Variants in ZNF592 observed in about 807,000 individuals in gnomAD.
The protein encoded by ZNF592 is zinc finger protein 592, also known as spinocerebellar ataxia, autosomal recessive 5.
A neutral mutation model predicts 80.3 loss-of-function variants in ZNF592; 11 were observed. The ratio of observed to expected loss-of-function variants is 0.14; its 90% confidence interval spans 0.09 to 0.23. The LOEUF (loss-of-function observed/expected upper bound fraction) is 0.23. ZNF592 is among the 10% of genes least tolerant of loss of function. The probability of loss-of-function intolerance (pLI) is 1.00; values close to 1 mark genes in which losing one functional copy is unlikely to be tolerated. For missense variants in ZNF592, 1,420 were observed against 1,633.9 expected (o/e 0.87, Z 2.26); for synonymous variants, 646 against 640.3 (o/e 1.01, Z -0.13).
chr15:84,757,385 G>A (rs1161756006), intron 1 of ZNF592, among the ~76,000 whole-genome samples: 1 of 149,082 alleles, frequency 6.7e-6, no homozygotes, highest in African/African-American at 2.5e-5. Flanking sequence ...TGTTACCCAG[G>A]CTGGAGTTGG....
chr15:84,764,168 G>A (rs1008120628), intron 1 of ZNF592, among the ~76,000 whole-genome samples: 15 of 152,168 alleles, frequency 9.9e-5, no homozygotes, highest in African/African-American at 3.4e-4. Context: ...AGGAGGAGTT[G>A]TGTGGAGGGG....
rs1962514233 is a variant in ZNF592, at chr15:84,784,173, C to T, written c.1498C>T (p.Pro500Ser). 3 of 1,614,078 alleles carry T rather than the reference C, an allele frequency of 1.9e-6. No individual in the cohort carries two copies. Among genetic ancestry groups the T allele is most frequent in the Non-Finnish European group, 2.5e-6 (3 of 1,180,054 alleles). The part of the protein sequence containing the change: ...ASTLAPANLL[P>S]KAVHLANLNL... ...CACCCTGGCCCCTGCCAACCTCCTG[C>T]CCAAAGCCGTGCACTTGGCCAACCT... is the stretch of plus-strand genomic sequence containing the variant. Residue 500 changes from proline to serine, a missense_variant, in exon 4 of 11, where the codon CCC (proline) becomes TCC (serine). By Grantham distance (74) the Pro-to-Ser change is moderately conservative. Around this residue, in one of 7 missense-constraint regions of ZNF592, gnomAD observed 524 missense variants for 628.3 expected, o/e 0.83. Transcript: ENST00000560079. The surrounding 1 kb of genome is among the most constrained non-coding windows in gnomAD (Gnocchi z 5.8).
chr15:84,797,799 T>TG, intron 5 of ZNF592, 70 bp from the exon 6 acceptor site: 1 of 1,572,208 alleles, frequency 6.4e-7, no homozygotes, highest in Admixed American at 1.7e-5. Flanking sequence ...TCCCTCCTCT[T>TG]GCAGCACCAC....
chr15:84,799,674 A>G lies in ZNF592; in HGVS notation c.3138-168A>G, dbSNP rs1025365242. 2.0e-5 allele frequency among the ~76,000 whole-genome samples: 3 copies of G among 151,960 alleles called. No individual in the cohort carries two copies. The highest frequency in any genetic ancestry group is 4.4e-5 in the Non-Finnish European group (3 of 67,994). The stretch of plus-strand genomic sequence containing the variant: ...AAGAGTGCAAGTATTCTGACGTGCT[A>G]TTGTCTGCTACCTTGGCTGGCCTGC... On this transcript the variant is annotated intron_variant, in intron 9 of 10. Transcript: ENST00000560079. This position sits in a 1 kb window ranked among gnomAD's most constrained non-coding sequence, Gnocchi z 4.2.
At chr15:84,748,921 C>T (rs1898930071) in intron 1 of ZNF592, among the ~76,000 whole-genome samples, 1 of 150,988 alleles carries the variant, frequency 6.6e-6, no homozygotes, top group African/African-American at 2.4e-5. Flanking sequence ...CCGCTGCGAC[C>T]GCCGCTCCTT....
rs1484882172 is a variant in ZNF592, at chr15:84,789,220, T to C, written c.2221-1485T>C. Among the ~76,000 whole-genome samples the C allele has an allele frequency of 4.7e-5, 7 of 149,052 alleles. No homozygotes were observed. In the Admixed American group the frequency reaches 4.7e-4, roughly 10 times the overall value. On this transcript the variant is annotated intron_variant, in intron 4 of 10. Transcript: ENST00000560079. ...CCAAGATCATGCCACTGCGCTCTAG[T>C]CTGGGCATCAGAGACCCTGTCTCAA...
intron 5 of ZNF592, among the ~76,000 whole-genome samples, chr15:84,795,695 G>T (rs1003665891): frequency 6.6e-6 from 1 of 152,132 alleles, no homozygotes; most frequent in African/African-American, 2.4e-5. Context: ...GCTAGAAGTT[G>T]GTTTCACTCT....
rs1963025407 is a variant in ZNF592, at chr15:84,799,262, C to T, written c.3137+52C>T. Reference sequence around the variant, plus strand: ...AGGCCTGAGGTTCAAAAGACTCTGTCCGTGGCACCACTGGGGCTTTTCTGT... The same window carrying T: ...AGGCCTGAGGTTCAAAAGACTCTGTTCGTGGCACCACTGGGGCTTTTCTGT... On this transcript the variant is annotated intron_variant, in intron 9 of 10. Coordinates refer to ENST00000560079, the MANE Select transcript of ZNF592 (RefSeq NM_014630.3). The surrounding 1 kb of genome is among the most constrained non-coding windows in gnomAD (Gnocchi z 4.2). 6.5e-7 allele frequency: 1 copy of T among 1,545,170 alleles called. No homozygotes were observed. Among genetic ancestry groups the T allele is most frequent in the African/African-American group, 1.4e-5 (1 of 73,506 alleles).
chr15:84,790,018 T>A (rs1441080572), intron 4 of ZNF592, among the ~76,000 whole-genome samples: 1 of 152,214 alleles, frequency 6.6e-6, no homozygotes, highest in African/African-American at 2.4e-5. Flanking sequence ...ACAAAGGAGC[T>A]GCTACCTAAT....
At chr15:84,766,254 T>C (rs1476670779) in intron 2 of ZNF592, among the ~76,000 whole-genome samples, 2 of 152,160 alleles carry the variant, frequency 1.3e-5, no homozygotes, top group Non-Finnish European at 2.9e-5. Context: ...TGAGGCCAAT[T>C]CCAAATGTCA....
chr15:84,766,670 G>A (rs867935720), intron 2 of ZNF592, among the ~76,000 whole-genome samples: 1 of 150,422 alleles, frequency 6.6e-6, no homozygotes, highest in Non-Finnish European at 1.5e-5. Flanking sequence ...AAAGTGTACC[G>A]TGGAGGAAGG....
intron 2 of ZNF592, among the ~76,000 whole-genome samples, chr15:84,773,047 T>C (rs1440509084): frequency 6.6e-6 from 1 of 152,202 alleles, no homozygotes; most frequent in African/African-American, 2.4e-5. Flanking sequence ...TAAGTCCTTG[T>C]TCTTAGTTCC....
chr15:84,798,634 A>T lies in ZNF592; in HGVS notation c.2783A>T (p.Gln928Leu). ...AATGTGGACGAGCTGTCAAGCCTCC[A>T]GTCTTCAGCGGACACATCCTCAAGC... ...PRNVDELSSL[Q>L]SSADTSSSRP... is the part of the protein sequence containing the mutation. The change falls in exon 8 of 11, where the codon CAG (glutamine) becomes CTG (leucine). Residue 928 changes from glutamine to leucine, a missense_variant. Around this residue, in one of 7 missense-constraint regions of ZNF592, gnomAD observed 331 missense variants for 347.0 expected, o/e 0.95. Coordinates refer to ENST00000560079, the MANE Select transcript of ZNF592 (RefSeq NM_014630.3). The surrounding 1 kb of genome is among the most constrained non-coding windows in gnomAD (Gnocchi z 4.5). 6.2e-7 allele frequency: 1 copy of T among 1,614,038 alleles called. No individual in the cohort carries two copies. The highest frequency in any genetic ancestry group is 8.5e-7 in the Non-Finnish European group (1 of 1,180,030).
chr15:84,758,326 A>G (rs1027500608), intron 1 of ZNF592, among the ~76,000 whole-genome samples: 5 of 151,906 alleles, frequency 3.3e-5, no homozygotes, highest in Non-Finnish European at 7.4e-5. Flanking sequence ...TCTGTTGTCT[A>G]GACTGTAGTG....
At position 84,782,943 on chromosome 15, in the gene ZNF592, C is replaced by T. The variant is rs1962461237; in HGVS notation, c.268C>T (p.Leu90Phe). ...GGAGAAAGACCACATTACTCCCAGT[C>T]TCCTACACAATGGATTCCGGGGCTC... ...EAEKDHITPS[L>F]LHNGFRGSDL... is the part of the protein sequence containing the mutation. Residue 90 changes from leucine to phenylalanine, a missense_variant, in exon 4 of 11, where the codon CTC becomes TTC. Physicochemically the swap from Leu to Phe is conservative, Grantham distance 22. This residue lies in a region of ZNF592 where 373 missense variants were observed against 355.5 expected (regional missense o/e 1.05). Coordinates refer to ENST00000560079, the MANE Select transcript of ZNF592 (RefSeq NM_014630.3). 1 of 1,614,206 alleles carries T rather than the reference C, an allele frequency of 6.2e-7. No individual in the cohort carries two copies. Among genetic ancestry groups the T allele is most frequent in the Non-Finnish European group, 8.5e-7 (1 of 1,180,040 alleles).
chr15:84,751,233 C>T (rs1567056117), intron 1 of ZNF592, among the ~76,000 whole-genome samples: 2 of 152,210 alleles, frequency 1.3e-5, no homozygotes, highest in Non-Finnish European at 2.9e-5. Flanking sequence ...TTGTATTTAA[C>T]TTAGTCCTCT....
At chr15:84,781,311 G>A (rs1213794809) in intron 3 of ZNF592, among the ~76,000 whole-genome samples, 1 of 151,960 alleles carries the variant, frequency 6.6e-6, no homozygotes, top group East Asian at 1.9e-4. Flanking sequence ...GCCTTCCAAA[G>A]TGCTGGGATT....
intron 1 of ZNF592, among the ~76,000 whole-genome samples, chr15:84,751,477 C>T (rs1899011495): frequency 6.6e-6 from 1 of 152,200 alleles, no homozygotes; most frequent in South Asian, 2.1e-4. Context: ...TCAGTTTGCT[C>T]ACATTTTAAG....
chr15:84,772,776 CAT>C (rs1199884847), intron 2 of ZNF592, among the ~76,000 whole-genome samples: 1 of 152,068 alleles, frequency 6.6e-6, no homozygotes, highest in Non-Finnish European at 1.5e-5. Context: ...TTCCTTAAAT[CAT>C]GCTGCCTTTA....
Sources: allele counts gnomAD v4.1 joint callset (sites outside exome capture counted in the v4.1 genomes callset), GRCh38; gene constraint gnomAD v4.1.1; regional missense constraint gnomAD v4.1.1; non-coding constraint Gnocchi (gnomAD v3.1); transcripts MANE v1.5; gene names NCBI Gene and HGNC (gene_info 2026-07-23, HGNC 2026-07-21).